NUP160: variants seen among roughly 807,000 people sequenced by gnomAD.
NUP160 encodes the protein nuclear pore complex protein Nup160.
NUP160 carries 94 observed loss-of-function variants against 196.9 expected under a neutral mutation model. The ratio of observed to expected loss-of-function variants is 0.48; its 90% CI spans 0.40 to 0.57. The LOEUF is 0.57. Among genes scored for constraint, NUP160 ranks in the 20% least tolerant of loss-of-function variants. The probability of loss-of-function intolerance (pLI) is 0.00; values close to 1 mark genes in which losing one functional copy is unlikely to be tolerated. For synonymous variants in NUP160, 605 were observed against 619.7 expected, an observed-to-expected ratio of 0.98 and a Z score of 0.35; for missense variants, 1,638 against 1,748.3, an observed-to-expected ratio of 0.94 and a Z score of 1.13.
At chr11:47,805,738 G>A (rs1184741126) in intron 20 of NUP160, among the ~76,000 whole-genome samples, 4 of 152,090 alleles carry the variant, frequency 2.6e-5, no homozygotes, top group African/African-American at 9.7e-5. Context: ...GAGCCACTGC[G>A]CCTGGCCGAA....
At chr11:47,821,156 C>T (rs1027335183) in intron 9 of NUP160, among the ~76,000 whole-genome samples, 1 of 151,968 alleles carries the variant, frequency 6.6e-6, no homozygotes, top group African/African-American at 2.4e-5. Context: ...TGGATATGTG[C>T]TATCTCTCCC....
At chr11:47,789,001 C>T (rs563924499) in intron 29 of NUP160, among the ~76,000 whole-genome samples, 5 of 151,984 alleles carry the variant, frequency 3.3e-5, no homozygotes, top group South Asian at 4.2e-4. Flanking sequence ...CTCAGCCTTC[C>T]GAGTAGCTGG....
chr11:47,828,900 T>C (rs1161247489), intron 7 of NUP160, among the ~76,000 whole-genome samples: 1 of 151,886 alleles, frequency 6.6e-6, no homozygotes, highest in Non-Finnish European at 1.5e-5. Flanking sequence ...AAGAATGAAG[T>C]TGAATGCTTA....
chr11:47,795,108 G>T (rs569646619), intron 27 of NUP160, among the ~76,000 whole-genome samples: 371 of 151,738 alleles, frequency 2.4e-3, no homozygotes, highest in Middle Eastern at 0.014. Flanking sequence ...AAAAAAAAAA[G>T]AACATAGATT....
At chr11:47,817,229 C>T (rs1851749365) in intron 11 of NUP160, among the ~76,000 whole-genome samples, 2 of 151,962 alleles carry the variant, frequency 1.3e-5, no homozygotes, top group Admixed American at 6.6e-5. Flanking sequence ...AGTGATCTTC[C>T]CTCTTCAGCC....
chr11:47,822,908 T>A (rs1441567122), intron 7 of NUP160, among the ~76,000 whole-genome samples: 1 of 152,238 alleles, frequency 6.6e-6, no homozygotes, highest in African/African-American at 2.4e-5. Context: ...CTCATCCTTT[T>A]TTATGGCTGC....
intron 27 of NUP160, among the ~76,000 whole-genome samples, chr11:47,794,275 T>C (rs2097669604): frequency 6.6e-6 from 1 of 151,918 alleles, no homozygotes; most frequent in South Asian, 2.1e-4. Context: ...GGGCGGATCA[T>C]GAGGTCAGGA....
At chr11:47,803,191 TA>T (rs1367240733) in intron 22 of NUP160, among the ~76,000 whole-genome samples, 2 of 128,408 alleles carry the variant, frequency 1.6e-5, no homozygotes, top group Non-Finnish European at 3.5e-5. Context: ...AAGGAATCTC[TA>T]AAAACACACA....
At chr11:47,802,956 AGTCTGGGT>A (rs1464263866) in intron 22 of NUP160, among the ~76,000 whole-genome samples, 1 of 152,136 alleles carries the variant, frequency 6.6e-6, no homozygotes, top group African/African-American at 2.4e-5. Flanking sequence ...ACTGCACTCC[AGTCTGGGT>A]GACAGAGCAA....
At position 47,797,924 on chromosome 11, in the gene NUP160, A is replaced by C. The variant is rs767119316; in HGVS notation, c.3184-40T>G. 3 of 1,564,942 alleles carry C rather than the reference A, an allele frequency of 1.9e-6. No homozygotes were observed. In the South Asian group the frequency reaches 3.3e-5, roughly 17 times the overall value. Reference sequence around the variant, plus strand: ...GCAATCAGATAACTAAGTCAGTAGCAATCATGGCAACCACCATACTTGTTG... The same window carrying C: ...GCAATCAGATAACTAAGTCAGTAGCCATCATGGCAACCACCATACTTGTTG... On this transcript the variant is annotated intron_variant, in intron 26 of 35. Coordinates refer to ENST00000378460, the Ensembl canonical transcript of NUP160.
At chr11:47,803,344 G>A (rs775216773) in intron 22 of NUP160, 94 bp downstream of exon 22, 3 of 742,106 alleles carry the variant, frequency 4.0e-6, no homozygotes, top group Admixed American at 4.2e-5. Context: ...AGGATTCTAT[G>A]TCTCCCATCC....
At chr11:47,791,838 C>A in intron 29 of NUP160, 92 bp downstream of exon 29, 1 of 867,840 alleles carries the variant, frequency 1.2e-6, no homozygotes, top group Non-Finnish European at 1.9e-6. Flanking sequence ...TTATATGTAG[C>A]TTATTTAACT....
At position 47,837,016 on chromosome 11, in the gene NUP160, C is replaced by A. The variant is rs2135399642; in HGVS notation, c.828-15G>T. ...ACTGGTCACCCCTAAAACATAAGACCCAGTTTTAGAGTTTTACTGCTGCAA... is the reference window on the plus strand; with the variant it reads ...ACTGGTCACCCCTAAAACATAAGACACAGTTTTAGAGTTTTACTGCTGCAA... On this transcript the variant is annotated splice_polypyrimidine_tract_variant and intron_variant, in intron 5 of 35. Coordinates refer to ENST00000378460, the Ensembl canonical transcript of NUP160. 6.7e-7 allele frequency: 1 copy of A among 1,499,554 alleles called. No homozygotes were observed. The highest frequency in any genetic ancestry group is 9.2e-7 in the Non-Finnish European group (1 of 1,081,652). 92.9% of individuals were successfully genotyped at this position (1,499,554 alleles called of 1,614,324 possible).
chr11:47,803,811 A>T (rs2097675842), intron 21 of NUP160, among the ~76,000 whole-genome samples: 1 of 152,194 alleles, frequency 6.6e-6, no homozygotes, highest in Non-Finnish European at 1.5e-5. Flanking sequence ...CAATGACTAG[A>T]TTCCAGTAAA....
intron 17 of NUP160, 80 bp downstream of exon 17, chr11:47,811,984 G>A: frequency 7.7e-7 from 1 of 1,299,656 alleles, no homozygotes; most frequent in Non-Finnish European, 1.1e-6. Flanking sequence ...GTGCTAGTAG[G>A]GCTGACATTT....
chr11:47,794,755 C>CA (rs981671725), intron 27 of NUP160, among the ~76,000 whole-genome samples: 9 of 151,322 alleles, frequency 5.9e-5, no homozygotes, highest in Admixed American at 5.3e-4. Flanking sequence ...ACTAAAAATG[C>CA]AAAAAAAATT....
chr11:47,803,091 G>T (rs915320347), intron 22 of NUP160, among the ~76,000 whole-genome samples: 1 of 151,158 alleles, frequency 6.6e-6, no homozygotes, highest in Non-Finnish European at 1.5e-5. Context: ...GCCAAGGTGG[G>T]AGGATCGCTT....
chr11:47,815,958 A>G (rs2097684178), exon 12 of NUP160: 3 of 1,613,004 alleles, frequency 1.9e-6, no homozygotes, highest in African/African-American at 2.7e-5. Flanking sequence ...CATTTTCAAC[A>G]GCTAAAGTAA....
intron 7 of NUP160, 35 bp downstream of exon 7, chr11:47,835,616 A>G (rs2305982): frequency 0.16 from 243,909 of 1,508,848 alleles, 22,961 homozygotes; most frequent in East Asian, 0.38. Flanking sequence ...CAGTACACAC[A>G]GAATAACTTG....
Sources: allele counts gnomAD v4.1 joint callset (sites outside exome capture counted in the v4.1 genomes callset), GRCh38; gene constraint gnomAD v4.1.1; transcripts MANE v1.5; gene names NCBI Gene and HGNC (gene_info 2026-07-23, HGNC 2026-07-21).